The following OXR1 variants were observed in gnomAD, a reference collection of about 807,000 sequenced individuals.
The protein encoded by OXR1 is oxidation resistance protein 1.
In OXR1, 41 loss-of-function variants were observed where a neutral mutation model predicts 104.6. The observed-to-expected ratio is 0.39, with a 90% CI of 0.31 to 0.51. The LOEUF is 0.51. Ranked by LOEUF, OXR1 falls within the 20% of genes least tolerant of loss-of-function variation. The pLI is 0.77. For synonymous variants in OXR1, 348 were observed against 348.4 expected, an observed-to-expected ratio of 1.00 and a Z score of 0.01; for missense variants, 955 against 1,031.9, an observed-to-expected ratio of 0.93 and a Z score of 1.02.
intron 1 of OXR1, among the ~76,000 whole-genome samples, chr8:106,340,198 T>A (rs994419294): frequency 6.8e-6 from 1 of 147,186 alleles, no homozygotes; most frequent in Non-Finnish European, 1.5e-5. Context: ...TAGGATGTGA[T>A]TGGAACAGTT....
At chr8:106,664,975 C>T (rs1587003985) in intron 3 of OXR1, among the ~76,000 whole-genome samples, 1 of 152,100 alleles carries the variant, frequency 6.6e-6, no homozygotes, top group East Asian at 1.9e-4. Context: ...TATTTCTGGT[C>T]ACAAAAACAT....
rs28921424 is a variant in OXR1, at chr8:106,707,369, C to G, written c.1624+224C>G. On this transcript the variant is annotated intron_variant, in intron 9 of 16. Coordinates refer to ENST00000517566, the MANE Select transcript of OXR1 (RefSeq NM_001198533.2). Reference sequence around the variant, plus strand: ...CATAATGAGCATCATTGCTACCCACCATGTTTAAACATTCTTGGCTCACTA... The same window carrying G: ...CATAATGAGCATCATTGCTACCCACGATGTTTAAACATTCTTGGCTCACTA... 33 of 634,174 alleles carry G rather than the reference C, an allele frequency of 5.2e-5. No individual in the cohort carries two copies. In the African/African-American group the frequency reaches 5.5e-4, roughly 11 times the overall value. The allele number at this position is 634,174 out of a possible 1,614,324, so 39.3% of individuals were successfully genotyped here.
intron 6 of OXR1, among the ~76,000 whole-genome samples, chr8:106,686,178 C>T (rs1828696654): frequency 6.6e-6 from 1 of 151,676 alleles, no homozygotes; most frequent in South Asian, 2.1e-4. Flanking sequence ...GTACAGTGTA[C>T]ACTGCTTAGG....
chr8:106,450,715 T>A (rs1452809211), intron 2 of OXR1, among the ~76,000 whole-genome samples: 1 of 151,526 alleles, frequency 6.6e-6, no homozygotes, highest in East Asian at 1.9e-4. Context: ...GGAGTATGAT[T>A]CCTTAAATGC....
At chr8:106,414,467 G>T (rs1390002178) in intron 2 of OXR1, among the ~76,000 whole-genome samples, 1 of 152,088 alleles carries the variant, frequency 6.6e-6, no homozygotes, top group South Asian at 2.1e-4. Flanking sequence ...CATGTTCAAG[G>T]TCATCTAGCA....
intron 3 of OXR1, among the ~76,000 whole-genome samples, chr8:106,536,327 A>T (rs908085076): frequency 1.3e-5 from 2 of 152,212 alleles, no homozygotes; most frequent in African/African-American, 4.8e-5. Flanking sequence ...TGACCAAATG[A>T]TGTGGCTGTG....
intron 1 of OXR1, among the ~76,000 whole-genome samples, chr8:106,284,121 G>T (rs1337716808): frequency 1.3e-5 from 2 of 151,964 alleles, no homozygotes; most frequent in African/African-American, 2.4e-5. Flanking sequence ...TGCTTTCATG[G>T]AGCTAATAGT....
intron 3 of OXR1, among the ~76,000 whole-genome samples, chr8:106,589,833 A>T (rs1370298708): frequency 6.6e-6 from 1 of 151,828 alleles, no homozygotes; most frequent in African/African-American, 2.4e-5. Flanking sequence ...TGCCCGACTA[A>T]TTTTTCTATT....
intron 2 of OXR1, among the ~76,000 whole-genome samples, chr8:106,496,795 T>C (rs764029251): frequency 6.6e-6 from 1 of 152,210 alleles, no homozygotes; most frequent in African/African-American, 2.4e-5. Context: ...GTCGCACTTA[T>C]GATTCCCTTG....
At chr8:106,371,660 TC>T in intron 2 of OXR1, among the ~76,000 whole-genome samples, 1 of 152,306 alleles carries the variant, frequency 6.6e-6, no homozygotes, top group South Asian at 2.1e-4. Flanking sequence ...TACCCAGGGG[TC>T]ATTCAGGAGC....
At chr8:106,459,636 A>G (rs534394179) in intron 2 of OXR1, among the ~76,000 whole-genome samples, 1 of 152,266 alleles carries the variant, frequency 6.6e-6, no homozygotes, top group East Asian at 1.9e-4. Flanking sequence ...TAAGCTAACC[A>G]TTATCTGTTC....
intron 2 of OXR1, among the ~76,000 whole-genome samples, chr8:106,517,325 A>G (rs917933191): frequency 4.6e-5 from 7 of 152,146 alleles, no homozygotes; most frequent in Non-Finnish European, 1.0e-4. Flanking sequence ...GCTCAAAACT[A>G]TTTTTATGAA....
At position 106,486,239 on chromosome 8, in the gene OXR1, C is replaced by G. The variant is rs757736951; in HGVS notation, c.24-32704C>G. Among the ~76,000 whole-genome samples, 5 of 151,944 alleles carry G rather than the reference C, an allele frequency of 3.3e-5. No homozygotes were observed. In the South Asian group the frequency reaches 6.2e-4, roughly 19 times the overall value. Reference sequence around the variant, plus strand: ...ACATGGTAATTATGTAAAATTTTATCTGTGATTTTTTAAAAAATAAAATAA... The same window carrying G: ...ACATGGTAATTATGTAAAATTTTATGTGTGATTTTTTAAAAAATAAAATAA... On this transcript the variant is annotated intron_variant, in intron 2 of 16. Coordinates refer to ENST00000517566, the MANE Select transcript of OXR1 (RefSeq NM_001198533.2).
At position 106,594,665 on chromosome 8, in the gene OXR1, G is replaced by A. The variant is rs182695065; in HGVS notation, c.220+75526G>A. On this transcript the variant is annotated intron_variant, in intron 3 of 16. Transcript: ENST00000517566. ...GGCACCTAAAAAAATAAGAGGAGGC[G>A]ACCAGCAAGACTGTGAGGCATGGAA... Among the ~76,000 whole-genome samples the A allele has an allele frequency of 1.2e-4, 19 of 152,224 alleles. 1 individual carries two copies. Among genetic ancestry groups the A allele is most frequent in the Admixed American group, 5.9e-4 (9 of 15,294 alleles).
chr8:106,707,987 T>C (rs1202056121), intron 9 of OXR1, among the ~76,000 whole-genome samples: 1 of 152,186 alleles, frequency 6.6e-6, no homozygotes, highest in Non-Finnish European at 1.5e-5. Context: ...TGAAGCATTT[T>C]TATATCTACA....
At chr8:106,602,799 A>T (rs1820073258) in intron 3 of OXR1, among the ~76,000 whole-genome samples, 1 of 152,160 alleles carries the variant, frequency 6.6e-6, no homozygotes, top group Non-Finnish European at 1.5e-5. Context: ...AAACATAAAT[A>T]TTAATAATTA....
At chr8:106,584,693 A>C (rs1818500909) in intron 3 of OXR1, among the ~76,000 whole-genome samples, 1 of 152,174 alleles carries the variant, frequency 6.6e-6, no homozygotes, top group South Asian at 2.1e-4. Flanking sequence ...TCATATATGC[A>C]CATTTTAAAA....
chr8:106,478,651 G>C (rs970879751), intron 2 of OXR1, among the ~76,000 whole-genome samples: 1 of 151,672 alleles, frequency 6.6e-6, no homozygotes, highest in Non-Finnish European at 1.5e-5. Flanking sequence ...GATGACAGTT[G>C]GGTAAGTTAG....
At chr8:106,360,359 A>G (rs1256988451) in intron 2 of OXR1, among the ~76,000 whole-genome samples, 2 of 152,224 alleles carry the variant, frequency 1.3e-5, no homozygotes, top group Non-Finnish European at 2.9e-5. Context: ...ATACATGAAT[A>G]TAAGGAAAAT....
Sources: gnomAD v4.1 joint callset for allele counts (sites outside exome capture counted in the v4.1 genomes callset) on GRCh38, gnomAD v4.1.1 for gene constraint, MANE v1.5 for transcripts, NCBI Gene and HGNC (gene_info 2026-07-23, HGNC 2026-07-21) for gene names.